Variants in MGA observed in about 807,000 individuals in gnomAD.
MGA encodes MAX gene-associated protein.
In MGA, 40 loss-of-function variants were observed where a neutral mutation model predicts 261.1. That is an observed-to-expected ratio of 0.15 (90% confidence interval 0.12 to 0.20). The LOEUF (loss-of-function observed/expected upper bound fraction) is 0.20. MGA is among the 10% of genes least tolerant of loss of function. The pLI is 1.00. For missense variants in MGA, 3,397 were observed against 3,630.5 expected (o/e 0.94, Z 1.65); for synonymous variants, 1,302 against 1,290.6 (o/e 1.01, Z -0.19).
chr15:41,656,295 G>C (rs1308392479), upstream of MGA, among the ~76,000 whole-genome samples: 1 of 147,032 alleles, frequency 6.8e-6, no homozygotes, highest in Non-Finnish European at 1.5e-5. Flanking sequence ...CTTGAGATGT[G>C]GGGCAGCAAG....
chr15:41,669,845 A>C lies in MGA; in HGVS notation c.951A>C (p.Ser317=). The C allele has an allele frequency of 6.2e-7, 1 of 1,614,026 alleles. No individual in the cohort carries two copies. Among genetic ancestry groups the C allele is most frequent in the Non-Finnish European group, 8.5e-7 (1 of 1,179,880 alleles). The change falls in exon 2 of 24, where the codon TCA becomes TCC. Residue 317 remains serine, a synonymous_variant. Coordinates refer to ENST00000219905, the MANE Select transcript of MGA (RefSeq NM_001164273.2). ...CTTTGTCAAGGGGTCATGAAACATC[A>C]GGCAAGGGTTTGGAGAAGACTTCCC...
intron 1 of MGA, among the ~76,000 whole-genome samples, chr15:41,636,744 T>C (rs1288845537): frequency 6.6e-6 from 1 of 151,998 alleles, no homozygotes; most frequent in Non-Finnish European, 1.5e-5. Flanking sequence ...AGAGATGGGG[T>C]TTCACCATTT....
intron 1 of MGA, among the ~76,000 whole-genome samples, chr15:41,623,547 C>G (rs2140901386): frequency 6.6e-6 from 1 of 152,082 alleles, no homozygotes; most frequent in South Asian, 2.1e-4. Context: ...GAGTTCGAGA[C>G]TAGCCTGACC....
intron 1 of MGA, among the ~76,000 whole-genome samples, chr15:41,667,259 T>A (rs866924391): frequency 9.9e-5 from 15 of 152,152 alleles, no homozygotes; most frequent in East Asian, 3.8e-4. Flanking sequence ...TTTTATTTTT[T>A]TTTTTGAGTC....
At chr15:41,679,901 G>A (rs1441179797) in intron 2 of MGA, among the ~76,000 whole-genome samples, 1 of 152,126 alleles carries the variant, frequency 6.6e-6, no homozygotes, top group Non-Finnish European at 1.5e-5. Flanking sequence ...GTAGTAGGTG[G>A]CAAATAGTGG....
chr15:41,749,614 C>G lies in MGA; in HGVS notation c.6007C>G (p.Pro2003Ala), dbSNP rs1567080761. 1.2e-6 allele frequency: 2 copies of G among 1,613,740 alleles called. No individual in the cohort carries two copies. The highest frequency in any genetic ancestry group is 2.2e-5 in the South Asian group (2 of 91,076). Residue 2003 changes from proline (P) to alanine (A), a missense_variant, in exon 17 of 24, where the codon CCT becomes GCT. This residue lies in a region of MGA where 1,410 missense variants were observed against 1,386.4 expected (regional missense o/e 1.02). Coordinates refer to ENST00000219905, the MANE Select transcript of MGA (RefSeq NM_001164273.2). ...ACAGTCAGAAGGAGAGGCTGTAGAC[C>G]CTGAGGCTAATGTAATAAAACAAAA...
At chr15:41,683,232 A>T (rs1005554463) in intron 2 of MGA, among the ~76,000 whole-genome samples, 2 of 151,706 alleles carry the variant, frequency 1.3e-5, no homozygotes, top group Non-Finnish European at 2.9e-5. Flanking sequence ...TTATTTTTTT[A>T]AATTGAGACA....
At chr15:41,653,713 TAA>T (rs755325703) in intron 1 of MGA, among the ~76,000 whole-genome samples, 21 of 125,846 alleles carry the variant, frequency 1.7e-4, no homozygotes, top group Non-Finnish European at 1.9e-4. Context: ...CCCCATCTCT[TAA>T]AAAAAAAAAA....
chr15:41,674,859 T>G (rs1003313800), intron 2 of MGA, among the ~76,000 whole-genome samples: 4 of 152,274 alleles, frequency 2.6e-5, no homozygotes, highest in Non-Finnish European at 4.4e-5. Context: ...TCTAGCTTAT[T>G]TGTCTCTCTT....
At chr15:41,623,573 C>T (rs1056576395) in intron 1 of MGA, among the ~76,000 whole-genome samples, 30 of 151,786 alleles carry the variant, frequency 2.0e-4, no homozygotes, top group Middle Eastern at 6.4e-3. Context: ...GGAAAAACCC[C>T]GTCTCGACTA....
intron 5 of MGA, 65 bp downstream of exon 5, chr15:41,699,224 CT>C: frequency 9.8e-7 from 1 of 1,025,244 alleles, no homozygotes. Context: ...TGTTTCTCCT[CT>C]TTTTCCTCTC....
intron 19 of MGA, among the ~76,000 whole-genome samples, chr15:41,759,827 T>C (rs997400686): frequency 6.6e-6 from 1 of 152,088 alleles, no homozygotes; most frequent in African/African-American, 2.4e-5. Flanking sequence ...GCCTGTGTAA[T>C]GTCAGGGAGG....
intron 15 of MGA, among the ~76,000 whole-genome samples, chr15:41,745,293 A>T (rs1292660588): frequency 9.4e-5 from 14 of 149,390 alleles, no homozygotes; most frequent in Non-Finnish European, 2.1e-4. Flanking sequence ...AAAAAAAAAA[A>T]AAAAAAAAAA....
At chr15:41,750,808 T>A (rs755203673) in intron 17 of MGA, 193 bp downstream of exon 17, 5 of 522,560 alleles carry the variant, frequency 9.6e-6, no homozygotes, top group Non-Finnish European at 1.6e-5. Flanking sequence ...TTTTATTCTT[T>A]GAGACTTGTC....
chr15:41,769,699 A>AT lies in MGA; in HGVS notation c.*2420dup, dbSNP rs1218511051. 6.6e-6 allele frequency: 1 copy of AT among 152,640 alleles called. No individual in the cohort carries two copies. The highest frequency in any genetic ancestry group is 1.5e-5 in the Non-Finnish European group (1 of 68,040). 9.5% of individuals were successfully genotyped at this position (152,640 alleles called of 1,614,324 possible). A position where few individuals can be genotyped will look rare whatever the true frequency, so the allele number is the denominator to read the frequency against. ...GACAGTGAGCTCTCACCCTAACACT[A>AT]TAAGAAGCATGATCTCAATAGACCA... is the stretch of plus-strand genomic sequence containing the variant. On this transcript the variant is annotated 3_prime_UTR_variant, in exon 24 of 24. Coordinates refer to ENST00000219905, the MANE Select transcript of MGA (RefSeq NM_001164273.2).
chr15:41,710,442 T>A (rs1484128594), intron 7 of MGA, among the ~76,000 whole-genome samples: 1 of 152,188 alleles, frequency 6.6e-6, no homozygotes, highest in Non-Finnish European at 1.5e-5. Flanking sequence ...AATTTATTTA[T>A]GTTTTTAGGG....
intron 22 of MGA, among the ~76,000 whole-genome samples, chr15:41,764,082 CCGGGTGG>C (rs2063655017): frequency 1.3e-5 from 2 of 151,962 alleles, no homozygotes; most frequent in South Asian, 4.2e-4. Context: ...TCACTTGAAC[CCGGGTGG>C]CGGAGGCTGC....
intron 5 of MGA, among the ~76,000 whole-genome samples, chr15:41,706,642 A>G (rs561983790): frequency 7.0e-6 from 1 of 142,416 alleles, no homozygotes; most frequent in East Asian, 2.1e-4. Flanking sequence ...GCGCAGTGGC[A>G]TCATCTCGGC....
chr15:41,760,049 A>C, intron 19 of MGA: 1 of 390,424 alleles, frequency 2.6e-6, no homozygotes, highest in Non-Finnish European at 4.7e-6. Flanking sequence ...TACGCCTGTA[A>C]CATATACAAT....
Sources: allele counts gnomAD v4.1 joint callset (sites outside exome capture counted in the v4.1 genomes callset), GRCh38; gene constraint gnomAD v4.1.1; regional missense constraint gnomAD v4.1.1; transcripts MANE v1.5; gene names NCBI Gene and HGNC (gene_info 2026-07-23, HGNC 2026-07-21).